RAB22A: variants seen among roughly 807,000 people sequenced by gnomAD.
RAB22A encodes ras-related protein Rab-22A.
Under a neutral mutation model 30.2 loss-of-function variants are expected in RAB22A, and 13 were observed. That is an observed-to-expected ratio of 0.43 (90% CI 0.28 to 0.68). The LOEUF (loss-of-function observed/expected upper bound fraction) is 0.68. RAB22A is among the 30% of genes least tolerant of loss of function. RAB22A has a pLI of 0.18. For missense variants in RAB22A, 177 were observed against 246.8 expected (o/e 0.72, Z 1.89); for synonymous variants, 89 against 87.2 (o/e 1.02, Z -0.11).
intron 3 of RAB22A, among the ~76,000 whole-genome samples, chr20:58,345,225 T>C (rs1168946882): frequency 6.6e-6 from 1 of 152,168 alleles, no homozygotes; most frequent in African/African-American, 2.4e-5. Context: ...TGCTGTAATA[T>C]AGATTCCATT....
At chr20:58,340,360 G>A (rs1350394719) in intron 2 of RAB22A, among the ~76,000 whole-genome samples, 1 of 152,130 alleles carries the variant, frequency 6.6e-6, no homozygotes, top group Admixed American at 6.5e-5. Flanking sequence ...ACTCAGCCTT[G>A]CACTAGTTGA....
chr20:58,317,275 T>C (rs1463041851), intron 2 of RAB22A, among the ~76,000 whole-genome samples: 3 of 151,624 alleles, frequency 2.0e-5, no homozygotes, highest in Admixed American at 1.3e-4. Flanking sequence ...TTTTGTATTA[T>C]TAGTTGAGAT....
At chr20:58,330,170 T>G (rs1986638643) in intron 2 of RAB22A, among the ~76,000 whole-genome samples, 1 of 152,180 alleles carries the variant, frequency 6.6e-6, no homozygotes, top group African/African-American at 2.4e-5. Flanking sequence ...TATTTGCAAA[T>G]TTTTATTCGT....
In RAB22A at chr20:58,359,846, C is replaced by A. The variant is rs1453850505; in HGVS notation, c.*143C>A. Reference sequence around the variant, plus strand: ...AAGGATTCACAGAAATGGACCAGTTCTGTTCTCCAAAGACTGCAGCAATGA... The same window carrying A: ...AAGGATTCACAGAAATGGACCAGTTATGTTCTCCAAAGACTGCAGCAATGA... On this transcript the variant is annotated 3_prime_UTR_variant, in exon 7 of 7. Coordinates refer to ENST00000244040, the MANE Select transcript of RAB22A (RefSeq NM_020673.3). 3.3e-6 allele frequency: 2 copies of A among 609,176 alleles called. No individual in the cohort carries two copies. The highest frequency in any genetic ancestry group is 5.5e-6 in the Non-Finnish European group (2 of 360,880). The allele number at this position is 609,176 out of a possible 1,614,324, so 37.7% of individuals were successfully genotyped here.
rs1987293355 is a variant in RAB22A at position 58,365,126 on chromosome 20, A to G, written c.*5423A>G. 1.3e-5 allele frequency: 2 copies of G among 152,232 alleles called. No homozygotes were observed. Among genetic ancestry groups the G allele is most frequent in the African/African-American group, 4.8e-5 (2 of 41,450 alleles). 9.4% of individuals were successfully genotyped at this position (152,232 alleles called of 1,614,324 possible). ...CAAACAAAACATGCCAGTTTTACTG[A>G]TTCCGCTTTTTGCTTGATTCAGGAA... On this transcript the variant is annotated 3_prime_UTR_variant, in exon 7 of 7. Coordinates refer to ENST00000244040, the MANE Select transcript of RAB22A (RefSeq NM_020673.3).
At chr20:58,349,304 G>A (rs1017542533) in intron 3 of RAB22A, among the ~76,000 whole-genome samples, 74 of 152,334 alleles carry the variant, frequency 4.9e-4, no homozygotes, top group African/African-American at 1.7e-3. Context: ...TCCCCAGTGG[G>A]TATTTCCCAG....
chr20:58,357,250 C>T (rs373961722), intron 6 of RAB22A, among the ~76,000 whole-genome samples: 3 of 152,310 alleles, frequency 2.0e-5, no homozygotes, highest in African/African-American at 2.4e-5. Flanking sequence ...TTACATTTGT[C>T]GTATCTACAT....
chr20:58,355,785 G>A (rs1359652835), intron 6 of RAB22A, among the ~76,000 whole-genome samples: 13 of 152,092 alleles, frequency 8.5e-5, no homozygotes, highest in African/African-American at 2.7e-4. Context: ...TGATTGCACC[G>A]CTACACTTCA....
chr20:58,329,299 T>C (rs1274013713), intron 2 of RAB22A, among the ~76,000 whole-genome samples: 1 of 152,182 alleles, frequency 6.6e-6, no homozygotes, highest in Non-Finnish European at 1.5e-5. Context: ...GTGATCTGCC[T>C]GCCTCAGCAT....
chr20:58,337,869 C>T (rs1239076466), intron 2 of RAB22A, among the ~76,000 whole-genome samples: 2 of 152,112 alleles, frequency 1.3e-5, no homozygotes, highest in Non-Finnish European at 2.9e-5. Flanking sequence ...TCAGTTGGGT[C>T]ACATGTGAAA....
At chr20:58,357,459 C>G (rs1987150805) in intron 6 of RAB22A, among the ~76,000 whole-genome samples, 1 of 152,140 alleles carries the variant, frequency 6.6e-6, no homozygotes, top group South Asian at 2.1e-4. Flanking sequence ...TTTTAATCTT[C>G]ATATAATCTG....
intron 6 of RAB22A, among the ~76,000 whole-genome samples, chr20:58,357,991 G>T (rs1987160206): frequency 6.6e-6 from 1 of 152,212 alleles, no homozygotes; most frequent in African/African-American, 2.4e-5. Context: ...GGACAAATAG[G>T]ATCTCTTCCC....
rs911061671 is a variant in RAB22A at position 58,359,937 on chromosome 20, C to T, written c.*234C>T. ...GTGTACAAAGGGACTACATCGTTGG[C>T]TTTTGACCTTGCTGAAAAGGAACAT... On this transcript the variant is annotated 3_prime_UTR_variant, in exon 7 of 7. Transcript: ENST00000244040. 1.9e-5 allele frequency: 5 copies of T among 258,278 alleles called. No homozygotes were observed. The highest frequency in any genetic ancestry group is 5.5e-5 in the Admixed American group (1 of 18,306). The allele number at this position is 258,278 out of a possible 1,614,324, so 16.0% of individuals were successfully genotyped here.
At chr20:58,350,765 C>A (rs1568872932) in intron 3 of RAB22A, among the ~76,000 whole-genome samples, 1 of 152,128 alleles carries the variant, frequency 6.6e-6, no homozygotes, top group East Asian at 1.9e-4. Flanking sequence ...AGGTTTTTCA[C>A]ACTAAAGGAA....
chr20:58,352,888 C>T (rs760308141), intron 3 of RAB22A, among the ~76,000 whole-genome samples: 2 of 152,226 alleles, frequency 1.3e-5, no homozygotes, highest in Non-Finnish European at 2.9e-5. Flanking sequence ...GCAGCTACTT[C>T]TCTGGAGAAC....
chr20:58,344,473 C>T (rs1445204288), intron 3 of RAB22A, among the ~76,000 whole-genome samples: 1 of 152,002 alleles, frequency 6.6e-6, no homozygotes, highest in Non-Finnish European at 1.5e-5. Context: ...ACATCTGCCT[C>T]CTCCCCTTTG....
chr20:58,332,642 T>C (rs1227077862), intron 2 of RAB22A, among the ~76,000 whole-genome samples: 1 of 152,140 alleles, frequency 6.6e-6, no homozygotes, highest in Non-Finnish European at 1.5e-5. Context: ...AGTTTCACAA[T>C]TGGCTTCCCT....
chr20:58,349,984 A>G (rs548817061), intron 3 of RAB22A, among the ~76,000 whole-genome samples: 1 of 152,326 alleles, frequency 6.6e-6, no homozygotes, highest in Admixed American at 6.5e-5. Flanking sequence ...AAACTAGGCC[A>G]GGCACAGTGG....
intron 2 of RAB22A, among the ~76,000 whole-genome samples, chr20:58,325,032 G>C (rs536117422): frequency 6.9e-6 from 1 of 144,880 alleles, no homozygotes; most frequent in East Asian, 2.0e-4. Flanking sequence ...AAAATTAGCT[G>C]GGTGTGGTGG....
Sources: gnomAD v4.1 joint callset for allele counts (sites outside exome capture counted in the v4.1 genomes callset) on GRCh38, gnomAD v4.1.1 for gene constraint, MANE v1.5 for transcripts, NCBI Gene and HGNC (gene_info 2026-07-23, HGNC 2026-07-21) for gene names.